WDPCP: variants seen among roughly 807,000 people sequenced by gnomAD.
WDPCP encodes WD repeat containing planar cell polarity effector.
WDPCP carries 71 observed loss-of-function variants against 93.1 expected under a neutral mutation model. That is an observed-to-expected ratio of 0.76 (90% confidence interval 0.63 to 0.93). The LOEUF (loss-of-function observed/expected upper bound fraction) is 0.93. Among genes scored for constraint, WDPCP ranks in the 40% least tolerant of loss-of-function variants. WDPCP has a pLI of 0.00. For missense variants in WDPCP, 844 were observed against 887.4 expected, an observed-to-expected ratio of 0.95 and a Z score of 0.62; for synonymous variants, 315 against 315.0, an observed-to-expected ratio of 1.00 and a Z score of 0.00.
chr2:63,420,483 G>A (rs1269700123), intron 9 of WDPCP, among the ~76,000 whole-genome samples: 3 of 148,618 alleles, frequency 2.0e-5, no homozygotes, highest in Admixed American at 6.7e-5. Context: ...GTGGTGAGCC[G>A]ACACGGCACC....
rs1693643476 is a variant in WDPCP at position 63,395,498 on chromosome 2, T to C, written c.1435+8550A>G. ...GAATGTGCAGTTTTTGACTTTGTTT[T>C]ACAGCCATTTCACTTAGGATAATGG... is the stretch of plus-strand genomic sequence containing the variant. On this transcript the variant is annotated intron_variant, in intron 10 of 17. Coordinates refer to ENST00000272321, the MANE Select transcript of WDPCP (RefSeq NM_015910.7). 3.3e-5 allele frequency among the ~76,000 whole-genome samples: 5 copies of C among 152,190 alleles called. No homozygotes were observed. In the South Asian group the frequency reaches 1.0e-3, roughly 32 times the overall value.
intron 3 of WDPCP, among the ~76,000 whole-genome samples, chr2:63,609,198 CACTACT>C (rs1041691182): frequency 3.3e-5 from 5 of 152,062 alleles, no homozygotes; most frequent in Non-Finnish European, 7.4e-5. Context: ...GAAACCCTGT[CACTACT>C]AAAAATACAA....
chr2:63,725,174 T>C (rs1484338703), intron 2 of WDPCP, among the ~76,000 whole-genome samples: 2 of 152,108 alleles, frequency 1.3e-5, no homozygotes, highest in African/African-American at 2.4e-5. Context: ...ACTCGATAGA[T>C]AGTTTTTTGA....
chr2:63,814,695 A>G (rs1285403197), intron 1 of WDPCP, among the ~76,000 whole-genome samples: 5 of 152,224 alleles, frequency 3.3e-5, no homozygotes, highest in Non-Finnish European at 7.3e-5. Flanking sequence ...TAAAATGCCT[A>G]TTTGATTTTA....
At chr2:63,338,568 AAATATATATATATATATATATATATAT>A (rs1688610529) in intron 12 of WDPCP, among the ~76,000 whole-genome samples, 2 of 7,652 alleles carry the variant, frequency 2.6e-4, no homozygotes, top group Non-Finnish European at 3.3e-4. Context: ...AAAAAAAAAA[AAATATATATATATATATATATATATAT>A]ATATATATAT....
chr2:63,326,596 AAG>A (rs1384073947), intron 12 of WDPCP, among the ~76,000 whole-genome samples: 1 of 151,790 alleles, frequency 6.6e-6, no homozygotes, highest in Non-Finnish European at 1.5e-5. Context: ...CAAAGAAGGA[AAG>A]AGAGAAAGAG....
intron 16 of WDPCP, chr2:63,153,165 T>C (rs1671996469): frequency 1.7e-6 from 1 of 589,076 alleles, no homozygotes; most frequent in East Asian, 2.9e-5. Flanking sequence ...ATTTACTATG[T>C]ACAGTATATA....
intron 14 of WDPCP, among the ~76,000 whole-genome samples, chr2:63,237,904 A>G (rs182844343): frequency 3.3e-5 from 5 of 152,204 alleles, no homozygotes; most frequent in African/African-American, 4.8e-5. Context: ...GACAGGGTCA[A>G]TAGAAGCCGA....
chr2:63,722,901 G>C (rs1234644025), intron 2 of WDPCP, among the ~76,000 whole-genome samples: 1 of 151,988 alleles, frequency 6.6e-6, no homozygotes, highest in Non-Finnish European at 1.5e-5. Context: ...TGTGTAGAAA[G>C]AAGTAGACAT....
intron 2 of WDPCP, among the ~76,000 whole-genome samples, chr2:63,659,791 C>G (rs993976029): frequency 5.9e-5 from 9 of 152,152 alleles, no homozygotes; most frequent in African/African-American, 2.2e-4. Context: ...CACAGAGTAT[C>G]CTCTAATGGC....
intron 14 of WDPCP, chr2:63,228,726 T>C (rs1376198147): frequency 6.6e-6 from 1 of 152,150 alleles, no homozygotes; most frequent in Non-Finnish European, 1.5e-5. Flanking sequence ...AATGATGGTT[T>C]CCAGCTTCAT....
At chr2:63,672,322 A>G (rs939406641) in intron 2 of WDPCP, among the ~76,000 whole-genome samples, 1 of 152,232 alleles carries the variant, frequency 6.6e-6, no homozygotes, top group Non-Finnish European at 1.5e-5. Flanking sequence ...CTCTAAGGCT[A>G]TATCCTCAGT....
chr2:63,622,956 C>T (rs907516592), intron 3 of WDPCP: 2 of 778,360 alleles, frequency 2.6e-6, no homozygotes, highest in Non-Finnish European at 2.0e-6. Flanking sequence ...GCTCAGTCAC[C>T]ACCGCACGGC....
At chr2:63,509,006 C>A (rs1347276503) in intron 1 of WDPCP, among the ~76,000 whole-genome samples, 1 of 152,064 alleles carries the variant, frequency 6.6e-6, no homozygotes, top group East Asian at 1.9e-4. Flanking sequence ...ATCCCACTGT[C>A]AATATTAGGC....
At chr2:63,774,476 C>T (rs373487740) in intron 2 of WDPCP, among the ~76,000 whole-genome samples, 2 of 152,150 alleles carry the variant, frequency 1.3e-5, no homozygotes, top group African/African-American at 4.8e-5. Context: ...TTTGACCCAC[C>T]ACCTATGTGT....
At chr2:63,792,381 G>A (rs1355726122) in intron 2 of WDPCP, among the ~76,000 whole-genome samples, 1 of 152,170 alleles carries the variant, frequency 6.6e-6, no homozygotes, top group Non-Finnish European at 1.5e-5. Flanking sequence ...CATGAGAACA[G>A]CATGGGGGAA....
chr2:63,719,450 G>C (rs1443942498), intron 2 of WDPCP, among the ~76,000 whole-genome samples: 2 of 152,166 alleles, frequency 1.3e-5, no homozygotes, highest in Non-Finnish European at 2.9e-5. Flanking sequence ...AAAGAGGCTG[G>C]TAGAGAAAGG....
At chr2:63,664,579 T>A (rs1004359258) in intron 2 of WDPCP, among the ~76,000 whole-genome samples, 35 of 152,258 alleles carry the variant, frequency 2.3e-4, no homozygotes, top group African/African-American at 7.7e-4. Context: ...CAAGTGAGGC[T>A]GGAAACATGA....
intron 14 of WDPCP, among the ~76,000 whole-genome samples, chr2:63,193,083 A>G (rs1470862585): frequency 6.6e-6 from 1 of 152,228 alleles, no homozygotes; most frequent in African/African-American, 2.4e-5. Flanking sequence ...TACATTGCAC[A>G]ATATATGGAA....
Sources: allele counts gnomAD v4.1 joint callset (sites outside exome capture counted in the v4.1 genomes callset), GRCh38; gene constraint gnomAD v4.1.1; transcripts MANE v1.5; gene names NCBI Gene and HGNC (gene_info 2026-07-23, HGNC 2026-07-21).